Variants in LAMA4 observed in about 807,000 individuals in gnomAD.
LAMA4 encodes the protein laminin subunit alpha 4.
In LAMA4, 127 loss-of-function variants were observed where a neutral mutation model predicts 207.1. The observed-to-expected ratio is 0.61, with a 90% CI of 0.53 to 0.71. The LOEUF (loss-of-function observed/expected upper bound fraction) is 0.71. Among genes scored for constraint, LAMA4 ranks in the 30% least tolerant of loss-of-function variants. The pLI is 0.00. For synonymous variants in LAMA4, 761 were observed against 816.0 expected (o/e 0.93, Z 1.15); for missense variants, 2,093 against 2,246.5 (o/e 0.93, Z 1.38).
At chr6:112,197,893 C>G (rs1783513347) in intron 5 of LAMA4, among the ~76,000 whole-genome samples, 1 of 152,190 alleles carries the variant, frequency 6.6e-6, no homozygotes, top group Non-Finnish European at 1.5e-5. Context: ...GAGATCTTCT[C>G]TTATTATAAC....
At chr6:112,237,632 G>A (rs1382161973) in intron 2 of LAMA4, among the ~76,000 whole-genome samples, 1 of 152,170 alleles carries the variant, frequency 6.6e-6, no homozygotes, top group Non-Finnish European at 1.5e-5. Flanking sequence ...TAGGTTTTAT[G>A]TTGAAAGGTC....
intron 9 of LAMA4, among the ~76,000 whole-genome samples, chr6:112,180,525 T>C (rs1554345065): frequency 6.6e-6 from 1 of 152,192 alleles, no homozygotes; most frequent in Non-Finnish European, 1.5e-5. Context: ...AAGCTGAAAT[T>C]AAAAAATTAC....
At chr6:112,192,765 A>G (rs557227726) in intron 5 of LAMA4, among the ~76,000 whole-genome samples, 1 of 152,210 alleles carries the variant, frequency 6.6e-6, no homozygotes, top group Admixed American at 6.5e-5. Context: ...GCCTTTCCCT[A>G]CTTTTCCCAA....
At chr6:112,198,556 T>C (rs781809172) in intron 5 of LAMA4, among the ~76,000 whole-genome samples, 8 of 152,166 alleles carry the variant, frequency 5.3e-5, no homozygotes, top group Non-Finnish European at 1.0e-4. Flanking sequence ...TTGGAAGACA[T>C]AGCTCTTCTG....
intron 26 of LAMA4, 26 bp downstream of exon 26, chr6:112,134,441 A>C: frequency 6.2e-7 from 1 of 1,612,536 alleles, no homozygotes; most frequent in Non-Finnish European, 8.5e-7. Context: ...GCTAGGAACA[A>C]ACAGCTACTT....
intron 29 of LAMA4, among the ~76,000 whole-genome samples, chr6:112,130,708 T>A (rs1778987524): frequency 6.6e-6 from 1 of 152,060 alleles, no homozygotes; most frequent in Admixed American, 6.6e-5. Context: ...TAGTAGGCAT[T>A]TCCCTCAAGG....
Position 112,119,275 on chromosome 6 carries a change from C to G in LAMA4, c.4702G>C (p.Val1568Leu). The change falls in exon 34 of 39, where the codon GTA (valine) becomes CTA (leucine). Residue 1568 changes from valine (V) to leucine (L), a missense_variant. Around this residue, in one of 3 missense-constraint regions of LAMA4, gnomAD observed 383 missense variants for 437.8 expected, o/e 0.87. Coordinates refer to ENST00000230538, the MANE Select transcript of LAMA4 (RefSeq NM_001105206.3). ...TCTAGGACTCGGAGACCATCAATTA[C>G]CAGTCGGCCACTGCTCCTTTCTCGA... ...FIRERSSGRL[V>L]IDGLRVLEES... 1 of 1,614,034 alleles carries G rather than the reference C, an allele frequency of 6.2e-7. No individual in the cohort carries two copies. Among genetic ancestry groups the G allele is most frequent in the South Asian group, 1.1e-5 (1 of 91,084 alleles).
chr6:112,148,321 C>A lies in LAMA4; in HGVS notation c.2189G>T (p.Arg730Leu). Residue 730 changes from arginine to leucine, a missense_variant, in exon 18 of 39, where the codon CGC becomes CTC. By Grantham distance (102) the Arg-to-Leu change is moderately radical (BLOSUM62 -2). Around this residue, in one of 3 missense-constraint regions of LAMA4, gnomAD observed 1,704 missense variants for 1,788.4 expected, o/e 0.95. Coordinates refer to ENST00000230538, the MANE Select transcript of LAMA4 (RefSeq NM_001105206.3). ...QAAERGDAQQ[R>L]LGQSRLITEE... ...GGTGATCAGTCTAGACTGCCCCAGG[C>A]GCTGCTGGGCATCCCCTTTACACAG... 6.2e-7 allele frequency: 1 copy of A among 1,614,114 alleles called. No homozygotes were observed. The highest frequency in any genetic ancestry group is 1.3e-5 in the African/African-American group (1 of 75,044).
intron 15 of LAMA4, 27 bp downstream of exon 15, chr6:112,155,538 T>G (rs1780656357): frequency 6.2e-7 from 1 of 1,613,606 alleles, no homozygotes; most frequent in African/African-American, 1.3e-5. Context: ...AAAGGCAAGG[T>G]ATAAAGAACT....
intron 5 of LAMA4, chr6:112,200,045 C>T (rs1554351680): frequency 7.8e-6 from 4 of 512,930 alleles, no homozygotes; most frequent in Non-Finnish European, 1.6e-5. Flanking sequence ...AACAAGAAAA[C>T]CTGTCTGAGA....
intron 9 of LAMA4, 129 bp downstream of exon 9, chr6:112,185,108 T>G (rs1248659276): frequency 1.3e-6 from 1 of 747,988 alleles, no homozygotes; most frequent in Non-Finnish European, 2.5e-6. Flanking sequence ...TGATTTATTT[T>G]AAGGCACATG....
In LAMA4 at chr6:112,253,666, CT is replaced by C. The variant is rs1267769609; in HGVS notation, c.195+289del. 39 of 1,401,954 alleles carry C rather than the reference CT, an allele frequency of 2.8e-5. No individual in the cohort carries two copies. The South Asian group carries it at 4.0e-4, about 14-fold the overall frequency. 86.8% of individuals were successfully genotyped at this position (1,401,954 alleles called of 1,614,324 possible). A position where few individuals can be genotyped will look rare whatever the true frequency, so the allele number is the denominator to read the frequency against. On this transcript the variant is annotated intron_variant, in intron 2 of 38. Coordinates refer to ENST00000230538, the MANE Select transcript of LAMA4 (RefSeq NM_001105206.3). ...GCAAGTGGCAGAAGTCACCGATGTG[CT>C]GCTGCAGTCCCCGGTGAGAGTCTAG...
intron 12 of LAMA4, chr6:112,166,317 G>A (rs181803568): frequency 6.6e-5 from 10 of 152,242 alleles, no homozygotes; most frequent in Admixed American, 5.9e-4. Context: ...CTTAATGCAA[G>A]AACATTTTTA....
At chr6:112,251,472 G>A (rs1554189843) in intron 2 of LAMA4, 1 of 152,208 alleles carries the variant, frequency 6.6e-6, no homozygotes. Context: ...GAGAATTGCA[G>A]AATAACCATT....
intron 2 of LAMA4, among the ~76,000 whole-genome samples, chr6:112,237,913 C>CT (rs1449208124): frequency 1.3e-5 from 2 of 152,194 alleles, no homozygotes; most frequent in Non-Finnish European, 2.9e-5. Flanking sequence ...AGCCAGGAGA[C>CT]TGTTTCCCGA....
At chr6:112,193,819 G>T (rs1302162183) in intron 5 of LAMA4, among the ~76,000 whole-genome samples, 1 of 152,142 alleles carries the variant, frequency 6.6e-6, no homozygotes. Flanking sequence ...CACTGCTGCT[G>T]CTATAAATGA....
intron 2 of LAMA4, among the ~76,000 whole-genome samples, chr6:112,220,842 T>G (rs951644934): frequency 6.6e-5 from 10 of 152,142 alleles, no homozygotes; most frequent in African/African-American, 2.4e-4. Flanking sequence ...TTGCAGTTAT[T>G]AAATAAAGTG....
intron 6 of LAMA4, among the ~76,000 whole-genome samples, chr6:112,190,947 C>CTTTT (rs1491586717): frequency 7.2e-4 from 29 of 40,514 alleles, no homozygotes; most frequent in South Asian, 9.5e-4. Flanking sequence ...TTCTTTCTTT[C>CTTTT]CTTTCTTTCT....
At chr6:112,227,571 G>A (rs1554362941) in intron 2 of LAMA4, among the ~76,000 whole-genome samples, 1 of 152,156 alleles carries the variant, frequency 6.6e-6, no homozygotes, top group Non-Finnish European at 1.5e-5. Context: ...GACTAATGTG[G>A]TCTTGACAAT....
Sources: allele counts gnomAD v4.1 joint callset (sites outside exome capture counted in the v4.1 genomes callset), GRCh38; gene constraint gnomAD v4.1.1; regional missense constraint gnomAD v4.1.1; transcripts MANE v1.5; gene names NCBI Gene and HGNC (gene_info 2026-07-23, HGNC 2026-07-21).